EBF3: variants seen among roughly 807,000 people sequenced by gnomAD.
EBF3 encodes EBF transcription factor 3.
In EBF3, 18 loss-of-function variants were observed where a neutral mutation model predicts 77.1. The ratio of observed to expected loss-of-function variants is 0.23; its 90% CI spans 0.16 to 0.35. EBF3 has a LOEUF of 0.35. Ranked by LOEUF, EBF3 falls within the 10% of genes least tolerant of loss-of-function variation. The probability of loss-of-function intolerance (pLI) is 1.00; values close to 1 mark genes in which losing one functional copy is unlikely to be tolerated. For missense variants in EBF3, 558 were observed against 860.0 expected (o/e 0.65, Z 4.39); for synonymous variants, 350 against 343.5 (o/e 1.02, Z -0.21).
intron 6 of EBF3, among the ~76,000 whole-genome samples, chr10:129,933,592 G>A (rs536533353): frequency 1.1e-4 from 16 of 152,326 alleles, no homozygotes; most frequent in Admixed American, 6.5e-4. Context: ...AGGGAATCCC[G>A]CTCCCAGCCC....
intron 6 of EBF3, among the ~76,000 whole-genome samples, chr10:129,896,038 G>A (rs530965852): frequency 6.6e-6 from 1 of 152,150 alleles, no homozygotes; most frequent in Non-Finnish European, 1.5e-5. Flanking sequence ...AGTTATTATG[G>A]CATTTTTGAA....
rs922755111 is a variant in EBF3, at chr10:129,876,899, C to G, written c.636+869G>C. Among the ~76,000 whole-genome samples the G allele has an allele frequency of 2.0e-4, 21 of 105,334 alleles. 1 individual carries two copies. Among genetic ancestry groups the G allele is most frequent in the East Asian group, 6.9e-4 (2 of 2,892 alleles). The allele number at this position is 105,334 out of a possible 152,430, so 69.1% of individuals were successfully genotyped here. ...TTCATCCCTGAACCCCCCCCCCCCC[C>G]CCACCCAGCTACCCCTCTGTATCCG... On this transcript the variant is annotated intron_variant, in intron 7 of 16. Coordinates refer to ENST00000440978, the MANE Select transcript of EBF3 (RefSeq NM_001375380.1).
chr10:129,938,357 T>C lies in EBF3; in HGVS notation c.554+18901A>G, dbSNP rs1349101891. Among the ~76,000 whole-genome samples the C allele has an allele frequency of 7.0e-6, 1 of 142,280 alleles. No homozygotes were observed. Among genetic ancestry groups the C allele is most frequent in the African/African-American group, 2.6e-5 (1 of 37,920 alleles). 93.3% of individuals were successfully genotyped at this position (142,280 alleles called of 152,430 possible). On this transcript the variant is annotated intron_variant, in intron 6 of 16. Coordinates refer to ENST00000440978, the MANE Select transcript of EBF3 (RefSeq NM_001375380.1). This position sits in a 1 kb window ranked among gnomAD's most constrained non-coding sequence, Gnocchi z 5.1. Reference sequence around the variant, plus strand: ...GAGTTCAACACCAGCCTGGGCAACATGGCAAAACCCCATCTCTATTTAAAA... The same window carrying C: ...GAGTTCAACACCAGCCTGGGCAACACGGCAAAACCCCATCTCTATTTAAAA...
At chr10:129,905,414 T>C (rs945261999) in intron 6 of EBF3, among the ~76,000 whole-genome samples, 1 of 149,626 alleles carries the variant, frequency 6.7e-6, no homozygotes, top group African/African-American at 2.6e-5. Flanking sequence ...AAAAATTCTT[T>C]CTTATATTTT....
At chr10:129,922,786 C>T (rs1856401425) in intron 6 of EBF3, among the ~76,000 whole-genome samples, 1 of 152,246 alleles carries the variant, frequency 6.6e-6, no homozygotes, top group South Asian at 2.1e-4. Flanking sequence ...CCACCCAGAG[C>T]TGCCCACATC....
chr10:129,936,309 C>G (rs1213998380), intron 6 of EBF3, among the ~76,000 whole-genome samples: 2 of 152,180 alleles, frequency 1.3e-5, no homozygotes, highest in African/African-American at 2.4e-5. Context: ...CCCACCACCC[C>G]CTCCTGTCTC....
chr10:129,934,268 A>G (rs991271874), intron 6 of EBF3, among the ~76,000 whole-genome samples: 5 of 151,492 alleles, frequency 3.3e-5, no homozygotes, highest in Middle Eastern at 3.4e-3. Flanking sequence ...ACTTCCAGGC[A>G]GCGACATCAC....
At chr10:129,910,457 C>T (rs746629488) in intron 6 of EBF3, among the ~76,000 whole-genome samples, 3 of 152,162 alleles carry the variant, frequency 2.0e-5, no homozygotes, top group Non-Finnish European at 4.4e-5. Flanking sequence ...CAAACCAAGT[C>T]AGAAGTAACT....
intron 6 of EBF3, among the ~76,000 whole-genome samples, chr10:129,955,313 G>T (rs1858957630): frequency 6.6e-6 from 1 of 152,184 alleles, no homozygotes; most frequent in Non-Finnish European, 1.5e-5. Flanking sequence ...GAGCAGAGCA[G>T]ATTTTTCATC....
intron 6 of EBF3, among the ~76,000 whole-genome samples, chr10:129,909,760 C>T (rs946692298): frequency 3.3e-5 from 5 of 152,318 alleles, no homozygotes; most frequent in African/African-American, 1.2e-4. Flanking sequence ...CGTCAGCCGC[C>T]AAGGCCCTGG....
chr10:129,946,212 C>T (rs1007128410), intron 6 of EBF3, among the ~76,000 whole-genome samples: 4 of 152,354 alleles, frequency 2.6e-5, no homozygotes, highest in South Asian at 2.1e-4. Context: ...CCCGCCCTGG[C>T]GACTGGTCAA....
intron 6 of EBF3, among the ~76,000 whole-genome samples, chr10:129,878,117 A>G (rs1311802901): frequency 6.6e-6 from 1 of 152,170 alleles, no homozygotes; most frequent in Non-Finnish European, 1.5e-5. Flanking sequence ...TCGCATTGGC[A>G]TTTCTTGGCT....
intron 6 of EBF3, among the ~76,000 whole-genome samples, chr10:129,890,964 T>C (rs553408462): frequency 1.6e-4 from 25 of 152,322 alleles, no homozygotes; most frequent in Admixed American, 7.2e-4. Context: ...GGCCACAAGG[T>C]TCGCCACTTA....
intron 6 of EBF3, among the ~76,000 whole-genome samples, chr10:129,886,577 C>A (rs1853602524): frequency 6.6e-6 from 1 of 152,164 alleles, no homozygotes; most frequent in Non-Finnish European, 1.5e-5. Context: ...CTGCTCGGCT[C>A]CCCACGCCAC....
intron 6 of EBF3, among the ~76,000 whole-genome samples, chr10:129,892,195 T>C (rs1350013900): frequency 6.6e-6 from 1 of 152,210 alleles, no homozygotes; most frequent in East Asian, 1.9e-4. Flanking sequence ...AGCGGGGCTC[T>C]TAGTCGGGTT....
At chr10:129,862,462 TTTC>T (rs1421040128) in intron 10 of EBF3, among the ~76,000 whole-genome samples, 2 of 152,180 alleles carry the variant, frequency 1.3e-5, no homozygotes, top group African/African-American at 4.8e-5. Flanking sequence ...TTTGTGGTAA[TTTC>T]TTTAATCGAG....
chr10:129,853,108 G>A (rs951423102), intron 10 of EBF3, among the ~76,000 whole-genome samples: 6 of 152,324 alleles, frequency 3.9e-5, no homozygotes, highest in East Asian at 1.9e-4. Flanking sequence ...CCCAGCCAGC[G>A]AGCAGTGTGC....
At chr10:129,886,591 G>A (rs762968200) in intron 6 of EBF3, among the ~76,000 whole-genome samples, 49 of 152,168 alleles carry the variant, frequency 3.2e-4, no homozygotes, top group Non-Finnish European at 5.4e-4. Flanking sequence ...ACGCCACCAG[G>A]CAGCTGTGTT....
At chr10:129,889,387 C>T (rs1853850019) in intron 6 of EBF3, among the ~76,000 whole-genome samples, 1 of 152,248 alleles carries the variant, frequency 6.6e-6, no homozygotes, top group Non-Finnish European at 1.5e-5. Context: ...GGGCGGGCAG[C>T]CTTGGGCTGG....
Sources: allele counts gnomAD v4.1 joint callset (sites outside exome capture counted in the v4.1 genomes callset), GRCh38; gene constraint gnomAD v4.1.1; non-coding constraint Gnocchi (gnomAD v3.1); transcripts MANE v1.5; gene names NCBI Gene and HGNC (gene_info 2026-07-23, HGNC 2026-07-21).